The following EIF2S1 variants were observed in gnomAD, a reference collection of about 807,000 sequenced individuals.
EIF2S1 encodes the protein eukaryotic translation initiation factor 2 subunit alpha, also known as eukaryotic translation initiation factor 2 subunit 1.
In EIF2S1, 5 loss-of-function variants were observed where a neutral mutation model predicts 33.5. The observed-to-expected ratio is 0.15, with a 90% CI of 0.08 to 0.31. The LOEUF is 0.31. EIF2S1 is among the 10% of genes least tolerant of loss of function. EIF2S1 has a pLI of 1.00. For missense variants in EIF2S1, 191 were observed against 384.6 expected (o/e 0.50, Z 4.21); for synonymous variants, 99 against 127.5 (o/e 0.78, Z 1.51).
At chr14:67,382,087 C>G (rs1311686910) in intron 6 of EIF2S1, among the ~76,000 whole-genome samples, 1 of 152,052 alleles carries the variant, frequency 6.6e-6, no homozygotes, top group Non-Finnish European at 1.5e-5. Flanking sequence ...ATGGCTGTAA[C>G]TCAGAAGGAT....
At chr14:67,365,068 A>C (rs1330301048) in intron 2 of EIF2S1, 60 bp downstream of exon 2, 14 of 1,485,448 alleles carry the variant, frequency 9.4e-6, no homozygotes, top group Non-Finnish European at 1.3e-5. Flanking sequence ...ATTTAAAAAT[A>C]CATTTTTTGT....
intron 2 of EIF2S1, among the ~76,000 whole-genome samples, chr14:67,367,352 T>C (rs548303534): frequency 6.6e-6 from 1 of 152,302 alleles, no homozygotes; most frequent in East Asian, 1.9e-4. Context: ...TGTCTCAGCC[T>C]CCAGAGTAGC....
At chr14:67,378,314 CTTTTTTTT>C (rs34487632) in intron 4 of EIF2S1, among the ~76,000 whole-genome samples, 1 of 107,630 alleles carries the variant, frequency 9.3e-6, no homozygotes, top group Non-Finnish European at 1.9e-5. Flanking sequence ...TCTCATGTGA[CTTTTTTTT>C]TTTTTTTTTT....
chr14:67,371,098 G>A (rs2085817663), intron 2 of EIF2S1, among the ~76,000 whole-genome samples: 2 of 152,062 alleles, frequency 1.3e-5, no homozygotes, highest in Admixed American at 1.3e-4. Flanking sequence ...GAAATAAGAT[G>A]AGTCATAATA....
intron 2 of EIF2S1, among the ~76,000 whole-genome samples, chr14:67,369,014 A>G (rs2085800432): frequency 6.6e-6 from 1 of 152,222 alleles, no homozygotes; most frequent in South Asian, 2.1e-4. Context: ...TAGGTATTCA[A>G]TTATTCAGTT....
intron 6 of EIF2S1, 25 bp from the exon 7 acceptor site, chr14:67,382,422 A>C (rs2296561): frequency 1.3e-6 from 2 of 1,597,992 alleles, no homozygotes; most frequent in Non-Finnish European, 1.7e-6. Flanking sequence ...ACATTCATAA[A>C]TGAATTTTTG....
Position 67,380,639 on chromosome 14 carries a change from T to G in EIF2S1, c.474-20T>G. The G allele has an allele frequency of 7.3e-7, 1 of 1,367,410 alleles. No individual in the cohort carries two copies. The allele number at this position is 1,367,410 out of a possible 1,614,324, so 84.7% of individuals were successfully genotyped here. A position where few individuals can be genotyped will look rare whatever the true frequency, so the allele number is the denominator to read the frequency against. On this transcript the variant is annotated intron_variant, in intron 4 of 7. Coordinates refer to ENST00000256383, the MANE Select transcript of EIF2S1 (RefSeq NM_004094.5). ...TAATATAACCTTGACCTTTTGTTAT[T>G]TATTTATGTTTTTGACCAGAGACCC...
intron 2 of EIF2S1, among the ~76,000 whole-genome samples, chr14:67,369,694 A>G (rs1026307393): frequency 1.3e-5 from 2 of 152,236 alleles, no homozygotes; most frequent in Admixed American, 6.5e-5. Context: ...GCAGTATTAA[A>G]TAAGCCCTTC....
intron 4 of EIF2S1, among the ~76,000 whole-genome samples, chr14:67,378,195 A>G (rs1240003178): frequency 6.6e-6 from 1 of 151,598 alleles, no homozygotes; most frequent in East Asian, 1.9e-4. Flanking sequence ...ACTCCTTCCT[A>G]AATGTTAAGA....
intron 5 of EIF2S1, 134 bp downstream of exon 5, chr14:67,380,899 A>G (rs757085060): frequency 4.8e-5 from 22 of 458,242 alleles, no homozygotes; most frequent in Non-Finnish European, 7.7e-5. Context: ...TTTTATAACA[A>G]AAGCTTAAGA....
intron 4 of EIF2S1, among the ~76,000 whole-genome samples, chr14:67,377,454 C>T (rs1410424546): frequency 6.6e-6 from 1 of 152,208 alleles, no homozygotes; most frequent in African/African-American, 2.4e-5. Context: ...CTCCCTGCCT[C>T]TTGGCTGGTA....
intron 2 of EIF2S1, among the ~76,000 whole-genome samples, chr14:67,369,013 A>G (rs909016872): frequency 9.2e-5 from 14 of 152,244 alleles, no homozygotes; most frequent in African/African-American, 2.9e-4. Flanking sequence ...GTAGGTATTC[A>G]ATTATTCAGT....
chr14:67,375,120 T>A (rs1438166567), intron 3 of EIF2S1, among the ~76,000 whole-genome samples: 2 of 152,332 alleles, frequency 1.3e-5, no homozygotes, highest in East Asian at 3.9e-4. Flanking sequence ...TTCCTGCTTG[T>A]CATCCACAGT....
chr14:67,379,154 A>G (rs1462910394), intron 4 of EIF2S1, among the ~76,000 whole-genome samples: 3 of 152,294 alleles, frequency 2.0e-5, no homozygotes, highest in African/African-American at 4.8e-5. Context: ...CCATTTGTCA[A>G]ACAGGGCTGT....
intron 3 of EIF2S1, 143 bp downstream of exon 3, chr14:67,374,690 G>A (rs1277773682): frequency 4.8e-5 from 24 of 500,624 alleles, no homozygotes; most frequent in East Asian, 4.0e-4. Flanking sequence ...TTTTGAAGCC[G>A]TTTTAGGTTA....
chr14:67,371,251 A>G (rs2085818908), intron 2 of EIF2S1, among the ~76,000 whole-genome samples: 2 of 152,020 alleles, frequency 1.3e-5, no homozygotes, highest in Non-Finnish European at 2.9e-5. Context: ...CCATCTCTAT[A>G]AAAATTTTAA....
chr14:67,361,435 C>G (rs555825694), intron 1 of EIF2S1, among the ~76,000 whole-genome samples: 1 of 152,276 alleles, frequency 6.6e-6, no homozygotes, highest in South Asian at 2.1e-4. Context: ...TCTTTTTCAA[C>G]TATAATGATG....
intron 3 of EIF2S1, 106 bp downstream of exon 3, chr14:67,374,653 A>C: frequency 1.5e-6 from 1 of 687,846 alleles, no homozygotes; most frequent in Middle Eastern, 3.9e-4. Context: ...CTTATGATCT[A>C]ATATTCTCAA....
intron 4 of EIF2S1, among the ~76,000 whole-genome samples, chr14:67,377,943 T>TAA (rs1043710734): frequency 7.1e-6 from 1 of 141,470 alleles, no homozygotes. Flanking sequence ...CTGCCATCTC[T>TAA]AAAAAAAAAA....
Sources: gnomAD v4.1 joint callset for allele counts (sites outside exome capture counted in the v4.1 genomes callset) on GRCh38, gnomAD v4.1.1 for gene constraint, MANE v1.5 for transcripts, NCBI Gene and HGNC (gene_info 2026-07-23, HGNC 2026-07-21) for gene names.